Variants in GRM5 observed in about 807,000 individuals in gnomAD.
GRM5 encodes metabotropic glutamate receptor 5.
GRM5 carries 19 observed loss-of-function variants against 83.1 expected under a neutral mutation model. The observed-to-expected ratio is 0.23, with a 90% CI of 0.16 to 0.34. The LOEUF is 0.34. Ranked by LOEUF, GRM5 falls within the 10% of genes least tolerant of loss-of-function variation. The pLI, the probability that GRM5 is intolerant of heterozygous loss-of-function variation, is 1.00. For missense variants in GRM5, 1,160 were observed against 1,588.3 expected, an observed-to-expected ratio of 0.73 and a Z score of 4.58; for synonymous variants, 675 against 633.6, an observed-to-expected ratio of 1.07 and a Z score of -0.98.
At chr11:88,709,326 G>A (rs1941232524) in intron 3 of GRM5, among the ~76,000 whole-genome samples, 1 of 152,006 alleles carries the variant, frequency 6.6e-6, no homozygotes, top group South Asian at 2.1e-4. Flanking sequence ...TGGACCATGA[G>A]GCTAAAAGGT....
At chr11:89,005,021 C>T (rs894698817) in intron 2 of GRM5, among the ~76,000 whole-genome samples, 6 of 152,204 alleles carry the variant, frequency 3.9e-5, no homozygotes, top group Non-Finnish European at 8.8e-5. Context: ...TACATTTTGG[C>T]AGACCAGACT....
chr11:88,924,449 T>C (rs1262446954), intron 2 of GRM5, among the ~76,000 whole-genome samples: 2 of 152,046 alleles, frequency 1.3e-5, no homozygotes, highest in Non-Finnish European at 2.9e-5. Flanking sequence ...TATATATACA[T>C]ACAAATGAAT....
chr11:88,799,035 G>A (rs1195409239), intron 3 of GRM5, among the ~76,000 whole-genome samples: 1 of 151,704 alleles, frequency 6.6e-6, no homozygotes, highest in East Asian at 1.9e-4. Context: ...TAGTAAAGAT[G>A]TGAAAAACAG....
Position 88,715,507 on chromosome 11 carries a change from T to G in GRM5, c.912-62104A>C, listed in dbSNP as rs187936818. ...AAGTTATCTATGAAGCAGGCAGAGCTGCTGACCTCCCTGGATTATTCTACA... is the reference window on the plus strand; with the variant it reads ...AAGTTATCTATGAAGCAGGCAGAGCGGCTGACCTCCCTGGATTATTCTACA... On this transcript the variant is annotated intron_variant, in intron 3 of 9. Transcript: ENST00000305447. Among the ~76,000 whole-genome samples, 129 of 152,082 alleles carry G rather than the reference T, an allele frequency of 8.5e-4. No homozygotes were observed. The Middle Eastern group carries it at 0.014, about 16-fold the overall frequency.
chr11:88,666,813 G>C (rs1940056587), intron 3 of GRM5, among the ~76,000 whole-genome samples: 1 of 152,088 alleles, frequency 6.6e-6, no homozygotes, highest in East Asian at 1.9e-4. Context: ...ATTCTCTCTG[G>C]ATGAACATAC....
At chr11:88,800,133 A>T (rs1203589002) in intron 3 of GRM5, among the ~76,000 whole-genome samples, 1 of 152,208 alleles carries the variant, frequency 6.6e-6, no homozygotes. Context: ...CGGGGCTGGC[A>T]GGGAATTTAC....
At chr11:88,981,658 G>T (rs1426900922) in intron 2 of GRM5, among the ~76,000 whole-genome samples, 2 of 152,142 alleles carry the variant, frequency 1.3e-5, no homozygotes, top group Admixed American at 1.3e-4. Context: ...TGGGTTCTTA[G>T]TTTCAGATTA....
At chr11:88,880,153 T>A (rs1418842749) in intron 2 of GRM5, among the ~76,000 whole-genome samples, 1 of 152,008 alleles carries the variant, frequency 6.6e-6, no homozygotes, top group Non-Finnish European at 1.5e-5. Context: ...AGCATGCAAT[T>A]TTTGGCTGTT....
rs1223898699 is a variant in GRM5, at chr11:88,597,245, G to T, written c.1502C>A (p.Ser501Tyr). ...AGATCTGATGATGTTGCTTTTCTTG[G>T]ACCATACTTCATCATCATCCATTTT... ...ELKMDDDEVW[S>Y]KKSNIIRSVC... is the part of the protein sequence containing the mutation. Residue 501 changes from serine (S) to tyrosine (Y), a missense_variant, in exon 6 of 10, where the codon TCC (serine) becomes TAC (tyrosine). By Grantham distance (144) the Ser-to-Tyr change is moderately radical. Coordinates refer to ENST00000305447, the MANE Select transcript of GRM5 (RefSeq NM_001143831.3). 2 of 1,608,624 alleles carry T rather than the reference G, an allele frequency of 1.2e-6. No individual in the cohort carries two copies. The highest frequency in any genetic ancestry group is 2.2e-5 in the South Asian group (2 of 90,766).
chr11:88,786,735 C>T (rs977405433), intron 3 of GRM5, among the ~76,000 whole-genome samples: 1 of 151,950 alleles, frequency 6.6e-6, no homozygotes, highest in South Asian at 2.1e-4. Flanking sequence ...TTTGATGCCC[C>T]TTTCCTGCTT....
chr11:88,694,460 G>A (rs2135364119), intron 3 of GRM5, among the ~76,000 whole-genome samples: 1 of 152,208 alleles, frequency 6.6e-6, no homozygotes, highest in Non-Finnish European at 1.5e-5. Context: ...AAGTGATGTG[G>A]TATGAATTTA....
chr11:88,747,911 G>A (rs1367032111), intron 3 of GRM5, among the ~76,000 whole-genome samples: 4 of 152,216 alleles, frequency 2.6e-5, no homozygotes, highest in South Asian at 2.1e-4. Context: ...AATATAAAAG[G>A]GTGAGTGAAT....
intron 3 of GRM5, among the ~76,000 whole-genome samples, chr11:88,734,564 A>G (rs1200282129): frequency 6.6e-6 from 1 of 152,096 alleles, no homozygotes; most frequent in Non-Finnish European, 1.5e-5. Context: ...GAAGTTCAGG[A>G]AACAGTTACA....
rs1940818963 is a variant in GRM5, at chr11:88,693,122, C to G, written c.912-39719G>C. 2.0e-5 allele frequency among the ~76,000 whole-genome samples: 3 copies of G among 150,456 alleles called. No homozygotes were observed. In the Middle Eastern group the frequency reaches 0.01, roughly 512 times the overall value. ...AAAGCTATACACGAAGATTACATAG[C>G]ACAGAAACAATTCAATTCAATTCAA... On this transcript the variant is annotated intron_variant, in intron 3 of 9. Coordinates refer to ENST00000305447, the MANE Select transcript of GRM5 (RefSeq NM_001143831.3).
intron 3 of GRM5, among the ~76,000 whole-genome samples, chr11:88,725,954 A>G (rs1363683612): frequency 6.6e-6 from 1 of 152,198 alleles, no homozygotes; most frequent in Non-Finnish European, 1.5e-5. Flanking sequence ...AAGGTTGAAC[A>G]TTCCAAGAAC....
At chr11:88,833,671 T>C (rs376665201) in intron 3 of GRM5, among the ~76,000 whole-genome samples, 37 of 152,348 alleles carry the variant, frequency 2.4e-4, no homozygotes, top group African/African-American at 7.7e-4. Context: ...TGCACCTCCA[T>C]GTTTATTACA....
At chr11:88,707,863 C>A (rs1941197905) in intron 3 of GRM5, among the ~76,000 whole-genome samples, 1 of 151,996 alleles carries the variant, frequency 6.6e-6, no homozygotes, top group African/African-American at 2.4e-5. Flanking sequence ...GACTGAAGAG[C>A]ATTAAGTAGT....
intron 1 of GRM5, among the ~76,000 whole-genome samples, chr11:89,057,259 A>C (rs1478707061): frequency 6.6e-6 from 1 of 152,150 alleles, no homozygotes; most frequent in Non-Finnish European, 1.5e-5. Context: ...TTTTTCTGAA[A>C]ACAAGTGCAT....
chr11:89,018,546 TTATC>T (rs1057277476), intron 2 of GRM5, among the ~76,000 whole-genome samples: 1 of 152,162 alleles, frequency 6.6e-6, no homozygotes, highest in Non-Finnish European at 1.5e-5. Context: ...TCTTGGACAT[TTATC>T]TATCTATCTA....
Sources: allele counts gnomAD v4.1 joint callset (sites outside exome capture counted in the v4.1 genomes callset), GRCh38; gene constraint gnomAD v4.1.1; transcripts MANE v1.5; gene names NCBI Gene and HGNC (gene_info 2026-07-23, HGNC 2026-07-21).